Variants in TSGA13 observed in about 807,000 individuals in gnomAD.
The protein encoded by TSGA13 is testis specific 13.
Under a neutral mutation model 35.1 loss-of-function variants are expected in TSGA13, and 37 were observed. The observed-to-expected ratio is 1.05, with a 90% CI of 0.81 to 1.39. The LOEUF is 1.39. TSGA13 is among the 40% of genes most tolerant of loss of function. The pLI is 0.00. For synonymous variants in TSGA13, 124 were observed against 121.2 expected, an observed-to-expected ratio of 1.02 and a Z score of -0.15; for missense variants, 338 against 328.5, an observed-to-expected ratio of 1.03 and a Z score of -0.22.
rs782348099 is a variant in TSGA13, at chr7:130,671,674, A to C, written c.645T>G (p.Asp215Glu). Residue 215 changes from aspartate (D) to glutamate (E), a missense_variant, in exon 7 of 8, where the codon GAT (aspartate) becomes GAG (glutamate). Transcript: ENST00000356588. ...QLTFAPVHER[D>E]MRKDASKKSA... ...AGAGGAGCTTACCATCTTTCCTCAT[A>C]TCTCTCTCATGGACTGGAGCAAAGG... The C allele has an allele frequency of 2.5e-6, 4 of 1,580,668 alleles. No individual in the cohort carries two copies.
At position 130,672,688 on chromosome 7, in the gene TSGA13, GAA is replaced by G. The variant is rs781875270; in HGVS notation, c.530+44_530+45del. 1.1e-5 allele frequency: 18 copies of G among 1,595,838 alleles called. No individual in the cohort carries two copies. The South Asian group carries it at 1.1e-4, about 10-fold the overall frequency. On this transcript the variant is annotated intron_variant, in intron 6 of 7. Transcript: ENST00000356588. ...GCAAAGAACCAGAAACGTGAATAGG[GAA>G]AAGATAGGAAAGAAAGCAAGTACAA... is the stretch of plus-strand genomic sequence containing the variant.
intron 3 of TSGA13, among the ~76,000 whole-genome samples, chr7:130,681,737 C>G (rs1796551646): frequency 6.6e-6 from 1 of 152,130 alleles, no homozygotes; most frequent in African/African-American, 2.4e-5. Flanking sequence ...GGAGCTGAGC[C>G]TTTTCCATTC....
intron 3 of TSGA13, 74 bp from the exon 4 acceptor site, chr7:130,681,091 T>C: frequency 3.2e-6 from 4 of 1,267,470 alleles, no homozygotes; most frequent in Admixed American, 3.4e-5. Flanking sequence ...TTACCTCACC[T>C]TAGTCTCACT....
Position 130,685,241 on chromosome 7 carries a change from G to A in TSGA13, c.-31C>T, listed in dbSNP as rs369226053. Reference sequence around the variant, plus strand: ...TTGACTGCTAGTTGGCCAACCCAAGGCAGGTATTCACCCAAGGCCAAATTC... The same window carrying A: ...TTGACTGCTAGTTGGCCAACCCAAGACAGGTATTCACCCAAGGCCAAATTC... On this transcript the variant is annotated 5_prime_UTR_variant, in exon 2 of 8. Coordinates refer to ENST00000356588, the MANE Select transcript of TSGA13 (RefSeq NM_052933.4). 1.2e-6 allele frequency: 2 copies of A among 1,612,440 alleles called. No homozygotes were observed. The highest frequency in any genetic ancestry group is 1.7e-6 in the Non-Finnish European group (2 of 1,178,680).
At chr7:130,681,572 A>G (rs781877781) in intron 3 of TSGA13, among the ~76,000 whole-genome samples, 1 of 152,246 alleles carries the variant, frequency 6.6e-6, no homozygotes, top group Non-Finnish European at 1.5e-5. Flanking sequence ...ACATCTCTGC[A>G]GTATGAAATT....
Position 130,669,138 on chromosome 7 carries a change from C to G in TSGA13, c.704G>C (p.Arg235Pro), listed in dbSNP as rs1554462416. The change falls in exon 8 of 8, where the codon CGG becomes CCG. Residue 235 changes from arginine to proline, a missense_variant. Physicochemically the swap from Arg to Pro is moderately radical, Grantham distance 103. Transcript: ENST00000356588. Reference sequence around the variant, plus strand: ...GAGCGATGCGAGTGTCAGTGGTTCCCGAATCACTTTGGAAATTGGCCTTTC... The same window carrying G: ...GAGCGATGCGAGTGTCAGTGGTTCCGGAATCACTTTGGAAATTGGCCTTTC... Reference protein sequence around the residue: ...ASERPISKVIREPLTLASLLE... With the variant: ...ASERPISKVIPEPLTLASLLE... 1 of 1,614,066 alleles carries G rather than the reference C, an allele frequency of 6.2e-7. No homozygotes were observed. Among genetic ancestry groups the G allele is most frequent in the Non-Finnish European group, 8.5e-7 (1 of 1,180,040 alleles).
chr7:130,683,568 A>G, intron 3 of TSGA13, 26 bp downstream of exon 3: 1 of 1,603,840 alleles, frequency 6.2e-7, no homozygotes, highest in South Asian at 1.1e-5. Context: ...AAAATTAAAC[A>G]TTGAACACTT....
At chr7:130,678,143 C>T (rs1413689303) in intron 5 of TSGA13, among the ~76,000 whole-genome samples, 2 of 152,252 alleles carry the variant, frequency 1.3e-5, no homozygotes, top group East Asian at 3.9e-4. Context: ...CTTTGGGAGG[C>T]CAAGGCGGGT....
At chr7:130,685,462 A>G (rs570613148) in intron 1 of TSGA13, 102 bp from the exon 2 acceptor site, 2 of 1,143,496 alleles carry the variant, frequency 1.7e-6, no homozygotes, top group African/African-American at 3.1e-5. Flanking sequence ...TATTTCACAA[A>G]CGGGGGAGGT....
intron 3 of TSGA13, among the ~76,000 whole-genome samples, chr7:130,681,742 C>G (rs923556874): frequency 3.9e-5 from 6 of 151,978 alleles, no homozygotes; most frequent in Non-Finnish European, 8.8e-5. Context: ...TGAGCCTTTT[C>G]CATTCCCTTT....
intron 3 of TSGA13, among the ~76,000 whole-genome samples, chr7:130,681,424 GA>G (rs1219093398): frequency 3.9e-5 from 6 of 152,108 alleles, no homozygotes; most frequent in Admixed American, 6.6e-5. Context: ...AATCTTTAAG[GA>G]GAAAAGCAAG....
chr7:130,678,809 G>A (rs1227863865), intron 5 of TSGA13, among the ~76,000 whole-genome samples: 1 of 152,102 alleles, frequency 6.6e-6, no homozygotes, highest in Non-Finnish European at 1.5e-5. Context: ...ATCACTTGAG[G>A]CCATGAGTTC....
Position 130,671,739 on chromosome 7 carries a change from A to G in TSGA13, c.580T>C (p.Tyr194His). Residue 194 changes from tyrosine to histidine, a missense_variant, in exon 7 of 8, where the codon TAC becomes CAC. Coordinates refer to ENST00000356588, the MANE Select transcript of TSGA13 (RefSeq NM_052933.4). ...ATTTTCTTCTGTGTCCTCAAAGCGT[A>G]GACTTTTGAATACTTCCCTTCGCTC... is the stretch of plus-strand genomic sequence containing the variant. ...FKSEGKYSKV[Y>H]ALRTQKKMYP... 6.2e-7 allele frequency: 1 copy of G among 1,609,618 alleles called. No individual in the cohort carries two copies. The highest frequency in any genetic ancestry group is 1.1e-5 in the South Asian group (1 of 90,544).
chr7:130,680,919 T>C, intron 4 of TSGA13, 27 bp downstream of exon 4: 1 of 1,609,818 alleles, frequency 6.2e-7, no homozygotes, highest in Non-Finnish European at 8.5e-7. Flanking sequence ...CCCTTAGAGA[T>C]CTTGGGGGAA....
intron 5 of TSGA13, among the ~76,000 whole-genome samples, chr7:130,677,746 C>T (rs1322956996): frequency 6.6e-6 from 1 of 152,072 alleles, no homozygotes; most frequent in African/African-American, 2.4e-5. Context: ...TCTCTTACAT[C>T]TTCCTGAATG....
At chr7:130,678,417 T>C (rs1796461957) in intron 5 of TSGA13, among the ~76,000 whole-genome samples, 1 of 152,022 alleles carries the variant, frequency 6.6e-6, no homozygotes, top group Non-Finnish European at 1.5e-5. Context: ...TGATGGCAAA[T>C]TCCGTCTTCT....
rs1554462399 is a variant in TSGA13, at chr7:130,669,101, C to T, written c.741G>A (p.Met247Ile). 5.0e-6 allele frequency: 8 copies of T among 1,614,092 alleles called. No individual in the cohort carries two copies. The highest frequency in any genetic ancestry group is 1.3e-5 in the African/African-American group (1 of 74,934). The change falls in exon 8 of 8, where the codon ATG (methionine) becomes ATA (isoleucine). Residue 247 changes from methionine to isoleucine, a missense_variant. Physicochemically the swap from Met to Ile is conservative, Grantham distance 10. Coordinates refer to ENST00000356588, the MANE Select transcript of TSGA13 (RefSeq NM_052933.4). ...PLTLASLLED[M>I]PTRTAPGESA... ...TCTCCCCGGGCGCGGTTCTGGTGGG[C>T]ATGTCTTCCAAGAGCGATGCGAGTG...
chr7:130,669,082 C>T lies in TSGA13; in HGVS notation c.760G>A (p.Gly254Arg). The stretch of plus-strand genomic sequence containing the variant: ...CTCCCGTTGCGGAAGGCGCTCTCCC[C>T]GGGCGCGGTTCTGGTGGGCATGTCT... ...LEDMPTRTAP[G>R]ESAFRNGRAP... Residue 254 changes from glycine (G) to arginine (R), a missense_variant, in exon 8 of 8, where the codon GGG becomes AGG. By Grantham distance (125) the Gly-to-Arg change is moderately radical. Coordinates refer to ENST00000356588, the MANE Select transcript of TSGA13 (RefSeq NM_052933.4). 1 of 1,614,210 alleles carries T rather than the reference C, an allele frequency of 6.2e-7. No individual in the cohort carries two copies. The highest frequency in any genetic ancestry group is 8.5e-7 in the Non-Finnish European group (1 of 1,180,030).
chr7:130,672,718 A>G lies in TSGA13; in HGVS notation c.530+16T>C. On this transcript the variant is annotated intron_variant, in intron 6 of 7. Coordinates refer to ENST00000356588, the MANE Select transcript of TSGA13 (RefSeq NM_052933.4). ...GATAGGAAAGAAAGCAAGTACAAGA[A>G]GAAGCAAGATTTCACCTAAACCATT... 2 of 1,609,668 alleles carry G rather than the reference A, an allele frequency of 1.2e-6. No individual in the cohort carries two copies. The highest frequency in any genetic ancestry group is 1.7e-6 in the Non-Finnish European group (2 of 1,177,920).
Sources: gnomAD v4.1 joint callset for allele counts (sites outside exome capture counted in the v4.1 genomes callset) on GRCh38, gnomAD v4.1.1 for gene constraint, MANE v1.5 for transcripts, NCBI Gene and HGNC (gene_info 2026-07-23, HGNC 2026-07-21) for gene names.